GPHN: variants seen among roughly 807,000 people sequenced by gnomAD.
The protein encoded by GPHN is gephyrin.
In GPHN, 17 loss-of-function variants were observed where a neutral mutation model predicts 95.5. The observed-to-expected ratio is 0.18, with a 90% CI of 0.12 to 0.27. The LOEUF is 0.27. Among genes scored for constraint, GPHN ranks in the 10% least tolerant of loss-of-function variants. GPHN has a pLI of 1.00. For missense variants in GPHN, 660 were observed against 978.1 expected, an observed-to-expected ratio of 0.67 and a Z score of 4.34; for synonymous variants, 320 against 322.5, an observed-to-expected ratio of 0.99 and a Z score of 0.08.
chr14:67,367,909 T>G, the GPHN span, among the ~76,000 whole-genome samples: 2 of 152,078 alleles, frequency 1.3e-5, no homozygotes, highest in Non-Finnish European at 2.9e-5. Context: ...GGAAAATATA[T>G]AGGTAAATGT....
chr14:66,518,988 C>T (rs1344086822), intron 1 of GPHN, among the ~76,000 whole-genome samples: 1 of 151,748 alleles, frequency 6.6e-6, no homozygotes, highest in Non-Finnish European at 1.5e-5. Flanking sequence ...ATTGAATGTT[C>T]TCAACACAAA....
At chr14:67,149,377 A>G (rs2081107844) in intron 18 of GPHN, among the ~76,000 whole-genome samples, 1 of 152,242 alleles carries the variant, frequency 6.6e-6, no homozygotes, top group Non-Finnish European at 1.5e-5. Flanking sequence ...TTATGTTAAC[A>G]TGAAATGGCT....
chr14:67,148,130 A>G (rs554900546), intron 18 of GPHN, among the ~76,000 whole-genome samples: 23 of 152,250 alleles, frequency 1.5e-4, no homozygotes, highest in Non-Finnish European at 2.2e-4. Context: ...ATATTTGAAA[A>G]TGAACATAGA....
At chr14:67,695,610 G>C in the GPHN span, 2,060 of 1,604,888 alleles carry the variant, frequency 1.3e-3, 17 homozygotes, top group African/African-American at 0.024. Flanking sequence ...CTCAAGAGAA[G>C]GCAATACATT....
chr14:67,571,900 G>C, the GPHN span: 1 of 1,607,052 alleles, frequency 6.2e-7, no homozygotes, highest in Non-Finnish European at 8.5e-7. Flanking sequence ...GCCATCAAGA[G>C]AGGTACAGAG....
chr14:67,365,762 C>A, the GPHN span, among the ~76,000 whole-genome samples: 1 of 152,186 alleles, frequency 6.6e-6, no homozygotes, highest in Non-Finnish European at 1.5e-5. Flanking sequence ...ATATCAGTCA[C>A]CTTGATTCAA....
At chr14:66,634,796 G>A (rs1022124081) in intron 1 of GPHN, among the ~76,000 whole-genome samples, 7 of 152,168 alleles carry the variant, frequency 4.6e-5, no homozygotes, top group Non-Finnish European at 4.4e-5. Context: ...GCTGTGTGGT[G>A]TGGCTTTCTT....
Position 66,808,657 on chromosome 14 carries a change from C to T in GPHN, c.202-15817C>T, listed in dbSNP as rs530542280. ...AATAAAAATACAAAAATTAGCCGTG[C>T]GTGGTGGCCTGTGCCTGTAATTGCA... On this transcript the variant is annotated intron_variant, in intron 3 of 22. Transcript: ENST00000478722. Among the ~76,000 whole-genome samples, 17 of 152,196 alleles carry T rather than the reference C, an allele frequency of 1.1e-4. No individual in the cohort carries two copies. The South Asian group carries it at 2.9e-3, about 26-fold the overall frequency.
At chr14:66,722,585 A>G (rs2070862119) in intron 2 of GPHN, among the ~76,000 whole-genome samples, 1 of 152,100 alleles carries the variant, frequency 6.6e-6, no homozygotes, top group African/African-American at 2.4e-5. Flanking sequence ...CTAGGACTAC[A>G]AGGATATGCC....
At chr14:67,557,594 T>C in the GPHN span, among the ~76,000 whole-genome samples, 3 of 152,244 alleles carry the variant, frequency 2.0e-5, no homozygotes, top group Admixed American at 1.3e-4. Flanking sequence ...CCACATCTGC[T>C]CATTAGAAGC....
chr14:67,094,239 A>G (rs2077257717), intron 12 of GPHN, among the ~76,000 whole-genome samples: 1 of 152,178 alleles, frequency 6.6e-6, no homozygotes, highest in Admixed American at 6.5e-5. Context: ...TCAATTTCAT[A>G]TCAAATAATA....
chr14:67,464,089 T>C, the GPHN span, among the ~76,000 whole-genome samples: 2 of 151,934 alleles, frequency 1.3e-5, no homozygotes, highest in African/African-American at 2.4e-5. Flanking sequence ...TGTGTGTGTG[T>C]GTATGTGAGA....
intron 2 of GPHN, among the ~76,000 whole-genome samples, chr14:66,701,720 G>A (rs2068569870): frequency 6.6e-6 from 1 of 152,170 alleles, no homozygotes; most frequent in Non-Finnish European, 1.5e-5. Context: ...CAACCCCAGA[G>A]CCATGTAGAT....
At chr14:67,619,459 T>C in the GPHN span, among the ~76,000 whole-genome samples, 2 of 152,242 alleles carry the variant, frequency 1.3e-5, no homozygotes, top group Non-Finnish European at 2.9e-5. Flanking sequence ...TTTCCTGGGC[T>C]TTGAGCTTTG....
chr14:66,848,050 A>G (rs902897856), intron 4 of GPHN, among the ~76,000 whole-genome samples: 1 of 152,080 alleles, frequency 6.6e-6, no homozygotes, highest in African/African-American at 2.4e-5. Context: ...AATACCTGAA[A>G]AGTGCACTAG....
At chr14:67,090,408 C>T (rs2077100445) in intron 12 of GPHN, among the ~76,000 whole-genome samples, 2 of 152,046 alleles carry the variant, frequency 1.3e-5, no homozygotes, top group African/African-American at 4.8e-5. Context: ...ACCATAAAAA[C>T]ACACTCAAAA....
At chr14:67,476,773 C>T in the GPHN span, among the ~76,000 whole-genome samples, 1 of 152,156 alleles carries the variant, frequency 6.6e-6, no homozygotes, top group Non-Finnish European at 1.5e-5. Context: ...AACTCATCCC[C>T]TGCACATGAC....
At chr14:66,949,203 G>A (rs2067942934) in intron 8 of GPHN, among the ~76,000 whole-genome samples, 1 of 152,082 alleles carries the variant, frequency 6.6e-6, no homozygotes, top group African/African-American at 2.4e-5. Context: ...TCTTGCCTCA[G>A]CCTCCCAAGT....
chr14:67,226,907 C>T, the GPHN span, among the ~76,000 whole-genome samples: 2 of 152,140 alleles, frequency 1.3e-5, no homozygotes, highest in African/African-American at 2.4e-5. Flanking sequence ...CAGGGTGACA[C>T]GTGCTGGCTC....
Sources: gnomAD v4.1 joint callset for allele counts (sites outside exome capture counted in the v4.1 genomes callset) on GRCh38, gnomAD v4.1.1 for gene constraint, MANE v1.5 for transcripts, NCBI Gene and HGNC (gene_info 2026-07-23, HGNC 2026-07-21) for gene names.